Variants in TRIM38 observed in about 807,000 individuals in gnomAD.
TRIM38 encodes the protein tripartite motif containing 38.
TRIM38 carries 35 observed loss-of-function variants against 35.8 expected under a neutral mutation model. That is an observed-to-expected ratio of 0.98 (90% confidence interval 0.75 to 1.30). The LOEUF (loss-of-function observed/expected upper bound fraction) is 1.30, where lower values mean the gene tolerates loss of function less well. Among genes scored for constraint, TRIM38 ranks in the 50% most tolerant of loss-of-function variants. The pLI is 0.00. For missense variants in TRIM38, 545 were observed against 556.9 expected (o/e 0.98, Z 0.21); for synonymous variants, 198 against 204.7 (o/e 0.97, Z 0.28).
intron 2 of TRIM38, among the ~76,000 whole-genome samples, chr6:25,964,316 G>A (rs1244686847): frequency 6.6e-6 from 1 of 152,050 alleles, no homozygotes; most frequent in African/African-American, 2.4e-5. Flanking sequence ...GTTTATACAT[G>A]TATACATATT....
At chr6:25,977,085 T>G (rs1315658433) in intron 7 of TRIM38, among the ~76,000 whole-genome samples, 1 of 152,244 alleles carries the variant, frequency 6.6e-6, no homozygotes, top group Non-Finnish European at 1.5e-5. Context: ...TCTTCTGGCA[T>G]GTGGATGGCA....
At chr6:25,977,666 C>CAA (rs1226726978) in intron 7 of TRIM38, among the ~76,000 whole-genome samples, 2 of 65,416 alleles carry the variant, frequency 3.1e-5, no homozygotes, top group Non-Finnish European at 2.8e-5. Context: ...GACTCCATCT[C>CAA]AAAAAAAAAA....
intron 2 of TRIM38, among the ~76,000 whole-genome samples, 170 bp downstream of exon 2, chr6:25,963,452 T>A (rs1244076720): frequency 6.6e-6 from 1 of 152,072 alleles, no homozygotes; most frequent in East Asian, 1.9e-4. Context: ...GGCAGGCTTT[T>A]TCGCTCCTGG....
intron 7 of TRIM38, among the ~76,000 whole-genome samples, chr6:25,980,423 C>CTTTT (rs1228527323): frequency 7.1e-6 from 1 of 140,598 alleles, no homozygotes. Context: ...TTCATTCTTT[C>CTTTT]TTTTTTTTTT....
In TRIM38 at chr6:25,983,831, T is replaced by C. The variant is rs1024276718; in HGVS notation, c.*144T>C. ...GAGATTTTAGTGGATATATAATTGA[T>C]TTATGTTGAATATATGGACTTAGCA... On this transcript the variant is annotated 3_prime_UTR_variant, in exon 8 of 8. Coordinates refer to ENST00000357085, the MANE Select transcript of TRIM38 (RefSeq NM_006355.5). 10 of 747,034 alleles carry C rather than the reference T, an allele frequency of 1.3e-5. No homozygotes were observed. In the African/African-American group the frequency reaches 1.6e-4, roughly 12 times the overall value. 46.3% of individuals were successfully genotyped at this position (747,034 alleles called of 1,614,324 possible).
intron 2 of TRIM38, 80 bp downstream of exon 2, chr6:25,963,362 C>G (rs1759908074): frequency 7.1e-6 from 1 of 139,916 alleles, no homozygotes; most frequent in Non-Finnish European, 1.5e-5. Flanking sequence ...CCTAGAGGAG[C>G]TCCCAGGAGT....
At position 25,983,801 on chromosome 6, in the gene TRIM38, G is replaced by A; in HGVS notation, c.*114G>A. The A allele has an allele frequency of 4.0e-6, 4 of 990,304 alleles. No individual in the cohort carries two copies. The highest frequency in any genetic ancestry group is 5.8e-6 in the Non-Finnish European group (4 of 690,054). 61.3% of individuals were successfully genotyped at this position (990,304 alleles called of 1,614,324 possible). ...TGTCATTTCCTTAGTAGTTAGACTA[G>A]TGCTGAGATTTTAGTGGATATATAA... On this transcript the variant is annotated 3_prime_UTR_variant, in exon 8 of 8. Transcript: ENST00000357085.
intron 2 of TRIM38, among the ~76,000 whole-genome samples, chr6:25,963,785 C>CT (rs1759926596): frequency 6.6e-6 from 1 of 152,146 alleles, no homozygotes; most frequent in South Asian, 2.1e-4. Flanking sequence ...CATTATCCTC[C>CT]TGGTTGGGTC....
chr6:25,971,794 T>C, intron 4 of TRIM38, 75 bp from the exon 5 acceptor site: 2 of 1,303,668 alleles, frequency 1.5e-6, no homozygotes, highest in Non-Finnish European at 2.2e-6. Flanking sequence ...CAGACTTTCA[T>C]TCTTGTTTAT....
At chr6:25,964,086 CG>C (rs1759942794) in intron 2 of TRIM38, among the ~76,000 whole-genome samples, 1 of 151,912 alleles carries the variant, frequency 6.6e-6, no homozygotes, top group Non-Finnish European at 1.5e-5. Flanking sequence ...ACTGAAAAAT[CG>C]ACTCACAAAA....
At chr6:25,967,242 T>C (rs985212732) in intron 3 of TRIM38, among the ~76,000 whole-genome samples, 7 of 152,138 alleles carry the variant, frequency 4.6e-5, no homozygotes, top group African/African-American at 1.2e-4. Context: ...TGAATATCAT[T>C]TGAAAAACCA....
At chr6:25,978,882 G>T (rs1174111754) in intron 7 of TRIM38, among the ~76,000 whole-genome samples, 1 of 151,872 alleles carries the variant, frequency 6.6e-6, no homozygotes, top group African/African-American at 2.4e-5. Context: ...TGACCAGGCT[G>T]GTCTCAAACT....
intron 7 of TRIM38, among the ~76,000 whole-genome samples, chr6:25,979,398 C>A (rs753632464): frequency 2.0e-5 from 3 of 152,002 alleles, no homozygotes; most frequent in Non-Finnish European, 2.9e-5. Flanking sequence ...GATTTCATTT[C>A]TTTAATGTTA....
rs537715384 is a variant in TRIM38, at chr6:25,990,846, G to T, written c.*7159G>T. 9 of 151,868 alleles carry T rather than the reference G, an allele frequency of 5.9e-5. No homozygotes were observed. The highest frequency in any genetic ancestry group is 1.4e-4 in the African/African-American group (6 of 41,420). The allele number at this position is 151,868 out of a possible 1,614,324, so 9.4% of individuals were successfully genotyped here. Reference sequence around the variant, plus strand: ...AATTTTATTATTTATTTCACACCAGGCCATCACTGTGATACATTTTTTAAA... The same window carrying T: ...AATTTTATTATTTATTTCACACCAGTCCATCACTGTGATACATTTTTTAAA... On this transcript the variant is annotated 3_prime_UTR_variant, in exon 8 of 8. Transcript: ENST00000357085.
rs1206781480 is a variant in TRIM38, at chr6:25,990,124, T to C, written c.*6437T>C. 6.6e-6 allele frequency: 1 copy of C among 151,400 alleles called. No homozygotes were observed. The highest frequency in any genetic ancestry group is 1.5e-5 in the Non-Finnish European group (1 of 67,868). 9.4% of individuals were successfully genotyped at this position (151,400 alleles called of 1,614,324 possible). Reference sequence around the variant, plus strand: ...CTCCTTGGCCTTCCAAAGGGTTGGATATGTTTTATCTACAGTTTTGTTGTT... The same window carrying C: ...CTCCTTGGCCTTCCAAAGGGTTGGACATGTTTTATCTACAGTTTTGTTGTT... On this transcript the variant is annotated 3_prime_UTR_variant, in exon 8 of 8. Transcript: ENST00000357085.
Position 25,986,934 on chromosome 6 carries a change from G to C in TRIM38, c.*3247G>C, listed in dbSNP as rs1429544087. On this transcript the variant is annotated 3_prime_UTR_variant, in exon 8 of 8. Coordinates refer to ENST00000357085, the MANE Select transcript of TRIM38 (RefSeq NM_006355.5). ...TGTGCAACAGCTCTCTTTTACTCTA[G>C]TGTCCTAAAACCTATCATAAAACCT... 1.3e-5 allele frequency: 2 copies of C among 152,166 alleles called. No homozygotes were observed. The highest frequency in any genetic ancestry group is 3.8e-4 in the East Asian group (2 of 5,200). The allele number at this position is 152,166 out of a possible 1,614,324, so 9.4% of individuals were successfully genotyped here. A position where few individuals can be genotyped will look rare whatever the true frequency, so the allele number is the denominator to read the frequency against.
intron 7 of TRIM38, chr6:25,974,904 T>C (rs1359386774): frequency 1.0e-5 from 10 of 985,284 alleles, no homozygotes; most frequent in Non-Finnish European, 1.1e-5. Context: ...CCTATACAGA[T>C]GACAGGAAGG....
chr6:25,966,579 C>G lies in TRIM38; in HGVS notation c.57C>G (p.Cys19Trp). The change falls in exon 3 of 8, where the codon TGC becomes TGG. Residue 19 changes from cysteine (C) to tryptophan (W), a missense_variant. By Grantham distance (215) the Cys-to-Trp change is radical. Coordinates refer to ENST00000357085, the MANE Select transcript of TRIM38 (RefSeq NM_006355.5). ...TGGAGGAAGCCACCTGCTCCATCTG[C>G]CTGAGCCTGATGACGAACCCAGTAA... is the stretch of plus-strand genomic sequence containing the variant. ...KMMEEATCSI[C>W]LSLMTNPVSI... 1.2e-6 allele frequency: 2 copies of G among 1,614,112 alleles called. No individual in the cohort carries two copies. The highest frequency in any genetic ancestry group is 1.7e-6 in the Non-Finnish European group (2 of 1,180,012).
chr6:25,973,582 C>G (rs558241854), intron 7 of TRIM38: 20 of 973,212 alleles, frequency 2.1e-5, no homozygotes, highest in Non-Finnish European at 2.3e-5. Flanking sequence ...GCTCCTACTT[C>G]ATTGAGTTAT....
Sources: gnomAD v4.1 joint callset for allele counts (sites outside exome capture counted in the v4.1 genomes callset) on GRCh38, gnomAD v4.1.1 for gene constraint, MANE v1.5 for transcripts, NCBI Gene and HGNC (gene_info 2026-07-23, HGNC 2026-07-21) for gene names.